Variants in L3MBTL3 observed in about 807,000 individuals in gnomAD.
L3MBTL3 encodes lethal(3)malignant brain tumor-like protein 3.
Under a neutral mutation model 102.3 loss-of-function variants are expected in L3MBTL3, and 27 were observed. The ratio of observed to expected loss-of-function variants is 0.26; its 90% CI spans 0.19 to 0.36. The LOEUF is 0.36. Ranked by LOEUF, L3MBTL3 falls within the 10% of genes least tolerant of loss-of-function variation. The probability of loss-of-function intolerance (pLI) is 1.00; values close to 1 mark genes in which losing one functional copy is unlikely to be tolerated. For synonymous variants in L3MBTL3, 340 were observed against 320.9 expected, an observed-to-expected ratio of 1.06 and a Z score of -0.64; for missense variants, 798 against 955.3, an observed-to-expected ratio of 0.84 and a Z score of 2.17.
intron 14 of L3MBTL3, among the ~76,000 whole-genome samples, chr6:130,079,631 A>G (rs886574591): frequency 1.3e-5 from 2 of 152,160 alleles, no homozygotes; most frequent in African/African-American, 4.8e-5. Flanking sequence ...TGCCTTTATT[A>G]CAGAGAGAGG....
rs767438519 is a variant in L3MBTL3, at chr6:130,051,256, A to G, written c.297A>G (p.Ser99=). The change falls in exon 6 of 23, where the codon TCA becomes TCG. Residue 99 remains serine, a synonymous_variant. Transcript: ENST00000361794. ...TSPPGCPTVF[S]EKTGMPFRLK... ...CTTCTTTTCATCTTCTAGTCTTTTCAGAGAAGACTGGGATGCCTTTCAGGT... is the reference window on the plus strand; with the variant it reads ...CTTCTTTTCATCTTCTAGTCTTTTCGGAGAAGACTGGGATGCCTTTCAGGT... 1.2e-6 allele frequency: 2 copies of G among 1,610,756 alleles called. No individual in the cohort carries two copies. Among genetic ancestry groups the G allele is most frequent in the Non-Finnish European group, 1.7e-6 (2 of 1,178,130 alleles).
intron 2 of L3MBTL3, among the ~76,000 whole-genome samples, chr6:130,041,165 T>G (rs73614224): frequency 0.036 from 5,408 of 152,308 alleles, 312 homozygotes; most frequent in African/African-American, 0.12. Flanking sequence ...AATCTGGATT[T>G]TCTTCCTTAT....
At chr6:130,036,884 C>CTATA (rs1780099999) in intron 2 of L3MBTL3, among the ~76,000 whole-genome samples, 2 of 152,100 alleles carry the variant, frequency 1.3e-5, no homozygotes, top group Admixed American at 1.3e-4. Context: ...GAACAAAACT[C>CTATA]TATAAAGATT....
intron 2 of L3MBTL3, among the ~76,000 whole-genome samples, chr6:130,041,164 TTTCTTCC>T (rs1449982058): frequency 1.3e-5 from 2 of 152,188 alleles, no homozygotes; most frequent in African/African-American, 4.8e-5. Flanking sequence ...TAATCTGGAT[TTTCTTCC>T]TTATATCTTT....
intron 19 of L3MBTL3, among the ~76,000 whole-genome samples, chr6:130,112,865 A>G (rs987159583): frequency 2.0e-5 from 3 of 152,156 alleles, no homozygotes; most frequent in East Asian, 1.9e-4. Flanking sequence ...TGAGTATGCA[A>G]TCCTATCCCA....
rs974559752 is a variant in L3MBTL3 at position 130,086,379 on chromosome 6, C to T, written c.1518+129C>T. 4.3e-5 allele frequency: 28 copies of T among 656,614 alleles called. No individual in the cohort carries two copies. The South Asian group carries it at 5.3e-4, about 12-fold the overall frequency. 40.7% of individuals were successfully genotyped at this position (656,614 alleles called of 1,614,324 possible). ...TCATAGGAATAAGCAAAATAATTGG[C>T]TGTGCATCTTTGTAAATCAGCATTC... On this transcript the variant is annotated intron_variant, in intron 16 of 22. Coordinates refer to ENST00000361794, the MANE Select transcript of L3MBTL3 (RefSeq NM_032438.4).
intron 19 of L3MBTL3, among the ~76,000 whole-genome samples, chr6:130,120,248 A>G (rs1231890966): frequency 6.6e-6 from 1 of 152,130 alleles, no homozygotes; most frequent in African/African-American, 2.4e-5. Context: ...AAACAAACAA[A>G]CCCGTTTTTG....
chr6:130,102,954 T>G (rs931311026), intron 18 of L3MBTL3, among the ~76,000 whole-genome samples: 3 of 152,238 alleles, frequency 2.0e-5, no homozygotes, highest in Admixed American at 2.0e-4. Flanking sequence ...GAGAGCTGCT[T>G]TCTTGTCTTT....
At chr6:130,107,435 G>C (rs1335794992) in intron 19 of L3MBTL3, among the ~76,000 whole-genome samples, 1 of 152,140 alleles carries the variant, frequency 6.6e-6, no homozygotes, top group Non-Finnish European at 1.5e-5. Flanking sequence ...TGAGGATCCT[G>C]AGCTTTCTGT....
In L3MBTL3 at chr6:130,060,216, T is replaced by C; in HGVS notation, c.864+76T>C. The C allele has an allele frequency of 1.5e-5, 12 of 821,868 alleles. 2 individuals carry two copies. In the South Asian group the frequency reaches 2.1e-4, roughly 15 times the overall value. The allele number at this position is 821,868 out of a possible 1,614,324, so 50.9% of individuals were successfully genotyped here. On this transcript the variant is annotated intron_variant, in intron 10 of 22. Transcript: ENST00000361794. The stretch of plus-strand genomic sequence containing the variant: ...ATTTAAAATGAGGAAAAACTGCCAT[T>C]GGTTGTATTTCATGCCAGGCATGGT...
rs1297285724 is a variant in L3MBTL3 at position 130,076,409 on chromosome 6, A to C, written c.1245-2149A>C. Among the ~76,000 whole-genome samples, 8 of 152,286 alleles carry C rather than the reference A, an allele frequency of 5.3e-5. 1 individual carries two copies. In the South Asian group the frequency reaches 6.2e-4, roughly 12 times the overall value. On this transcript the variant is annotated intron_variant, in intron 13 of 22. Coordinates refer to ENST00000361794, the MANE Select transcript of L3MBTL3 (RefSeq NM_032438.4). Reference sequence around the variant, plus strand: ...ATCACTTAACCTCTTTGATTTCCATAAAATGAGGATCTTCATGTCTCCTAA... The same window carrying C: ...ATCACTTAACCTCTTTGATTTCCATCAAATGAGGATCTTCATGTCTCCTAA...
At chr6:130,029,643 G>A (rs1170330907) in intron 2 of L3MBTL3, among the ~76,000 whole-genome samples, 3 of 152,038 alleles carry the variant, frequency 2.0e-5, no homozygotes, top group Non-Finnish European at 4.4e-5. Flanking sequence ...TGACTGCCCT[G>A]CTGCCCACCT....
intron 20 of L3MBTL3, among the ~76,000 whole-genome samples, chr6:130,126,308 G>A (rs1786605539): frequency 6.6e-6 from 1 of 152,148 alleles, no homozygotes; most frequent in Admixed American, 6.5e-5. Context: ...GGAGAGAACT[G>A]AATTCTACTT....
intron 2 of L3MBTL3, among the ~76,000 whole-genome samples, chr6:130,041,004 G>T (rs1236253982): frequency 6.6e-6 from 1 of 152,170 alleles, no homozygotes; most frequent in Non-Finnish European, 1.5e-5. Context: ...TCTTGGTTTT[G>T]CACTATCAGT....
At chr6:130,125,873 C>G (rs1016155945) in intron 20 of L3MBTL3, among the ~76,000 whole-genome samples, 1 of 152,062 alleles carries the variant, frequency 6.6e-6, no homozygotes, top group Non-Finnish European at 1.5e-5. Flanking sequence ...TGTTTTGAGT[C>G]TAGGAGCAAA....
At chr6:130,053,073 C>A in intron 7 of L3MBTL3, 82 bp downstream of exon 7, 1 of 1,086,548 alleles carries the variant, frequency 9.2e-7, no homozygotes, top group Non-Finnish European at 1.4e-6. Context: ...TGCTCTGGAG[C>A]CCACTGAGTT....
At chr6:130,135,740 C>G (rs1283533722) in intron 22 of L3MBTL3, among the ~76,000 whole-genome samples, 2 of 152,104 alleles carry the variant, frequency 1.3e-5, no homozygotes, top group African/African-American at 4.8e-5. Flanking sequence ...ATTATTCATT[C>G]ATTTACTCCT....
intron 12 of L3MBTL3, among the ~76,000 whole-genome samples, chr6:130,069,855 C>G (rs910145061): frequency 9.2e-5 from 14 of 152,182 alleles, no homozygotes; most frequent in African/African-American, 3.4e-4. Flanking sequence ...CCTCAGAATA[C>G]TCAAACATTT....
intron 10 of L3MBTL3, among the ~76,000 whole-genome samples, chr6:130,066,144 A>G (rs910872014): frequency 5.3e-5 from 8 of 152,116 alleles, no homozygotes; most frequent in African/African-American, 1.9e-4. Flanking sequence ...TGTTGCCAGA[A>G]TGCCACAGCT....
Sources: gnomAD v4.1 joint callset for allele counts (sites outside exome capture counted in the v4.1 genomes callset) on GRCh38, gnomAD v4.1.1 for gene constraint, MANE v1.5 for transcripts, NCBI Gene and HGNC (gene_info 2026-07-23, HGNC 2026-07-21) for gene names.